The following DDX41 variants were observed in gnomAD, a reference collection of about 807,000 sequenced individuals.
DDX41 encodes the protein DEAD-box helicase 41, also known as probable ATP-dependent RNA helicase DDX41.
In DDX41, 50 loss-of-function variants were observed where a neutral mutation model predicts 78.8. That is an observed-to-expected ratio of 0.63 (90% CI 0.51 to 0.80). DDX41 has a LOEUF of 0.80. DDX41 is among the 30% of genes least tolerant of loss of function. The pLI, the probability that DDX41 is intolerant of heterozygous loss-of-function variation, is 0.00. For synonymous variants in DDX41, 381 were observed against 321.5 expected (o/e 1.19, Z -1.98); for missense variants, 633 against 849.2 (o/e 0.75, Z 3.16).
Position 177,511,819 on chromosome 5 carries a change from T to G in DDX41, c.1841A>C (p.Tyr614Ser). Residue 614 changes from tyrosine (Y) to serine (S), a missense_variant, in exon 17 of 17, where the codon TAC becomes TCC. Physicochemically the swap from Tyr to Ser is moderately radical, Grantham distance 144 (BLOSUM62 -2). Transcript: ENST00000330503. Reference sequence around the variant, plus strand: ...GAAGTCCATGGAGCTGTGGGCCAGGTAGTCCTTGCGACCGATGTTGCTGAC... The same window carrying G: ...GAAGTCCATGGAGCTGTGGGCCAGGGAGTCCTTGCGACCGATGTTGCTGAC... ...KQVSNIGRKD[Y>S]LAHSSMDF 1 of 1,614,056 alleles carries G rather than the reference T, an allele frequency of 6.2e-7. No homozygotes were observed. The highest frequency in any genetic ancestry group is 8.5e-7 in the Non-Finnish European group (1 of 1,179,990).
chr5:177,514,185 A>C lies in DDX41; in HGVS notation c.936-338T>G. 2 of 513,542 alleles carry C rather than the reference A, an allele frequency of 3.9e-6. No individual in the cohort carries two copies. The highest frequency in any genetic ancestry group is 7.6e-6 in the Non-Finnish European group (2 of 264,870). The allele number at this position is 513,542 out of a possible 1,614,324, so 31.8% of individuals were successfully genotyped here. A position where few individuals can be genotyped will look rare whatever the true frequency, so the allele number is the denominator to read the frequency against. ...TTTCTGTGCTCACCATCTCCCTAAT[A>C]CTCAGAAGTCCGTGGAGGAAGGCCT... is the stretch of plus-strand genomic sequence containing the variant. On this transcript the variant is annotated intron_variant, in intron 9 of 16. Transcript: ENST00000330503. This position sits in a 1 kb window ranked among gnomAD's most constrained non-coding sequence, Gnocchi z 4.2.
rs781328203 is a variant in DDX41 at position 177,516,817 on chromosome 5, C to T, written c.46G>A (p.Val16Met). The T allele has an allele frequency of 3.7e-6, 6 of 1,612,624 alleles. No individual in the cohort carries two copies. The highest frequency in any genetic ancestry group is 1.7e-5 in the Admixed American group (1 of 59,974). The part of the protein sequence containing the change: ...PERKRARTDE[V>M]PAGGSRSEAE... ...TCGGAGCGGCTTCCTCCGGCAGGCA[C>T]CTCGTCGGTGCGAGCCCGCTGCAAG... Residue 16 changes from valine (V) to methionine (M), a missense_variant, in exon 2 of 17, where the codon GTG becomes ATG. Physicochemically the swap from Val to Met is conservative, Grantham distance 21. Around this residue, in one of 6 missense-constraint regions of DDX41, gnomAD observed 140 missense variants for 115.2 expected, o/e 1.22. Transcript: ENST00000330503.
At position 177,514,107 on chromosome 5, in the gene DDX41, A is replaced by G. The variant is rs1387497728; in HGVS notation, c.936-260T>C. 7.7e-6 allele frequency: 5 copies of G among 645,402 alleles called. No individual in the cohort carries two copies. The highest frequency in any genetic ancestry group is 1.4e-5 in the Non-Finnish European group (5 of 349,048). 40.0% of individuals were successfully genotyped at this position (645,402 alleles called of 1,614,324 possible). On this transcript the variant is annotated intron_variant, in intron 9 of 16. Transcript: ENST00000330503. The surrounding 1 kb of genome is among the most constrained non-coding windows in gnomAD (Gnocchi z 4.2). ...CCTCTCACCCAGAAGCGCTGTCATC[A>G]AGCTCCAGAGGCTTTACTCTGGGCT...
Position 177,513,285 on chromosome 5 carries a change from GCTTCAGGGAGA to G in DDX41, c.1230+57_1230+67del. On this transcript the variant is annotated intron_variant, in intron 11 of 16. Transcript: ENST00000330503. This position sits in a 1 kb window ranked among gnomAD's most constrained non-coding sequence, Gnocchi z 4.6. The stretch of plus-strand genomic sequence containing the variant: ...CAAGGTGGACCCCCGGCTCCAATCA[GCTTCAGGGAGA>G]CTTGTCAGATCCAGCCCCCACAGGT... 1 of 1,606,950 alleles carries G rather than the reference GCTTCAGGGAGA, an allele frequency of 6.2e-7. No individual in the cohort carries two copies.
chr5:177,511,773 G>C lies in DDX41; in HGVS notation c.*18C>G, dbSNP rs201294859. 3.7e-6 allele frequency: 6 copies of C among 1,613,628 alleles called. No homozygotes were observed. Among genetic ancestry groups the C allele is most frequent in the Middle Eastern group, 1.6e-4 (1 of 6,080 alleles). On this transcript the variant is annotated 3_prime_UTR_variant, in exon 17 of 17. Transcript: ENST00000330503. Reference sequence around the variant, plus strand: ...CTTGGGGACTGAGGCCTCTTGGAGAGAAGGGAAGACTGTCGGCTCAGAAGT... The same window carrying C: ...CTTGGGGACTGAGGCCTCTTGGAGACAAGGGAAGACTGTCGGCTCAGAAGT...
At chr5:177,516,612 G>A in intron 2 of DDX41, 113 bp downstream of exon 2, 3 of 1,373,134 alleles carry the variant, frequency 2.2e-6, no homozygotes. Flanking sequence ...GCGCCCTGGT[G>A]TACTGAAGCT....
In DDX41 at chr5:177,516,115, A is replaced by G. The variant is rs1410875577; in HGVS notation, c.373+4T>C. 1.2e-5 allele frequency: 19 copies of G among 1,613,868 alleles called. No individual in the cohort carries two copies. Among genetic ancestry groups the G allele is most frequent in the Middle Eastern group, 1.6e-4 (1 of 6,084 alleles). On this transcript the variant is annotated splice_donor_region_variant and intron_variant, in intron 4 of 16. Transcript: ENST00000330503. ...CCTTCTCACTATCCTGGCTACAACC[A>G]TACCTCGGCCCTCGGCAACACTCTC...
rs1053412621 is a variant in DDX41, at chr5:177,514,127, T to G, written c.936-280A>C. 4 of 614,834 alleles carry G rather than the reference T, an allele frequency of 6.5e-6. No individual in the cohort carries two copies. The African/African-American group carries it at 7.2e-5, about 11-fold the overall frequency. The allele number at this position is 614,834 out of a possible 1,614,324, so 38.1% of individuals were successfully genotyped here. Reference sequence around the variant, plus strand: ...TCATCAAGCTCCAGAGGCTTTACTCTGGGCTCGCTTTCCTGGCCCACTGGC... The same window carrying G: ...TCATCAAGCTCCAGAGGCTTTACTCGGGGCTCGCTTTCCTGGCCCACTGGC... On this transcript the variant is annotated intron_variant, in intron 9 of 16. Coordinates refer to ENST00000330503, the MANE Select transcript of DDX41 (RefSeq NM_016222.4). The surrounding 1 kb of genome is among the most constrained non-coding windows in gnomAD (Gnocchi z 4.2).
Position 177,512,115 on chromosome 5 carries a change from C to T in DDX41, c.1713G>A (p.Glu571=). 1.9e-6 allele frequency: 3 copies of T among 1,613,370 alleles called. No individual in the cohort carries two copies. The highest frequency in any genetic ancestry group is 2.5e-6 in the Non-Finnish European group (3 of 1,180,032). Residue 571 remains glutamate (E), a synonymous_variant, in exon 16 of 17, where the codon GAG becomes GAA. Transcript: ENST00000330503. The part of the protein sequence containing the change: ...PVLQVLHCGD[E]SMLDIGGERG... ...AGTCACCTCCAATGTCCAGCATGGACTCATCCCCGCAATGCAGCACCTGCA... is the reference window on the plus strand; with the variant it reads ...AGTCACCTCCAATGTCCAGCATGGATTCATCCCCGCAATGCAGCACCTGCA...
At position 177,513,144 on chromosome 5, in the gene DDX41, C is replaced by T. The variant is rs1761057700; in HGVS notation, c.1231-62G>A. The T allele has an allele frequency of 6.4e-7, 1 of 1,569,528 alleles. No homozygotes were observed. The highest frequency in any genetic ancestry group is 1.3e-5 in the African/African-American group (1 of 74,174). On this transcript the variant is annotated intron_variant, in intron 11 of 16. Transcript: ENST00000330503. The surrounding 1 kb of genome is among the most constrained non-coding windows in gnomAD (Gnocchi z 4.6). ...TTAGGCTTACCCGCCACAGCCCTGC[C>T]ATGGCCCGTCATCTGGACCAGGAGG...
At position 177,515,034 on chromosome 5, in the gene DDX41, G is replaced by A; in HGVS notation, c.680C>T (p.Thr227Met). ...SGRDMIGIAFTGSGKTLVFTL... is the reference protein window; with the variant it reads ...SGRDMIGIAFMGSGKTLVFTL... ...GAACACCAGTGTCTTGCCTGAACCCGTGAAAGCGATGCCTATCATGTCACG... is the reference window on the plus strand; with the variant it reads ...GAACACCAGTGTCTTGCCTGAACCCATGAAAGCGATGCCTATCATGTCACG... The change falls in exon 8 of 17, where the codon ACG becomes ATG. Residue 227 changes from threonine (T) to methionine (M), a missense_variant. Thr to Met is a moderately conservative substitution (Grantham distance 81). Coordinates refer to ENST00000330503, the MANE Select transcript of DDX41 (RefSeq NM_016222.4). The A allele has an allele frequency of 6.2e-7, 1 of 1,613,444 alleles. No individual in the cohort carries two copies. Among genetic ancestry groups the A allele is most frequent in the Non-Finnish European group, 8.5e-7 (1 of 1,179,510 alleles).
chr5:177,514,509 C>T lies in DDX41; in HGVS notation c.935+192G>A, dbSNP rs1379475427. On this transcript the variant is annotated intron_variant, in intron 9 of 16. Coordinates refer to ENST00000330503, the MANE Select transcript of DDX41 (RefSeq NM_016222.4). This position sits in a 1 kb window ranked among gnomAD's most constrained non-coding sequence, Gnocchi z 4.2. ...AAGGTGGGCCATTCCATCTGCCGTG[C>T]TCCCACAGTACCTGGCCACATCCCT... Among the ~76,000 whole-genome samples the T allele has an allele frequency of 1.3e-5, 2 of 152,240 alleles. No individual in the cohort carries two copies. The highest frequency in any genetic ancestry group is 1.5e-5 in the Non-Finnish European group (1 of 68,046).
At chr5:177,516,074 G>A (rs779036766) in intron 4 of DDX41, 45 bp downstream of exon 4, 6 of 1,613,764 alleles carry the variant, frequency 3.7e-6, no homozygotes, top group African/African-American at 1.3e-5. Flanking sequence ...GGGCTGGGAG[G>A]AGAAGACTCA....
In DDX41 at chr5:177,512,670, T is replaced by G. The variant is rs754348281; in HGVS notation, c.1400-25A>C. ...TCTGGGGAGGGTCAGGCAGACACTGTCAGAGCCACCATGGGACAGGGGAGT... is the reference window on the plus strand; with the variant it reads ...TCTGGGGAGGGTCAGGCAGACACTGGCAGAGCCACCATGGGACAGGGGAGT... On this transcript the variant is annotated intron_variant, in intron 13 of 16. Coordinates refer to ENST00000330503, the MANE Select transcript of DDX41 (RefSeq NM_016222.4). 162 of 1,613,702 alleles carry G rather than the reference T, an allele frequency of 1.0e-4. 1 individual carries two copies. In the South Asian group the frequency reaches 1.8e-3, roughly 18 times the overall value.
chr5:177,515,370 C>CAGAG lies in DDX41; in HGVS notation c.572-116_572-113dup, dbSNP rs372373486. On this transcript the variant is annotated intron_variant, in intron 6 of 16. Transcript: ENST00000330503. ...AGTTGCAGATGATGAAACTGAGGCT[C>CAGAG]AGAGAGAGAGAGAGAGAGTGGAAAA... is the stretch of plus-strand genomic sequence containing the variant. The CAGAG allele has an allele frequency of 6.7e-5, 65 of 972,692 alleles. 1 individual carries two copies. In the Admixed American group the frequency reaches 1.0e-3, roughly 16 times the overall value. 60.3% of individuals were successfully genotyped at this position (972,692 alleles called of 1,614,324 possible).
In DDX41 at chr5:177,516,353, G is replaced by GTT. The variant is rs1554111683; in HGVS notation, c.232_233insAA (p.Pro78GlnfsTer3). 6.2e-7 allele frequency: 1 copy of GTT among 1,614,078 alleles called. No homozygotes were observed. Among genetic ancestry groups the GTT allele is most frequent in the Non-Finnish European group, 8.5e-7 (1 of 1,180,030 alleles). On this transcript the variant is annotated frameshift_variant, in exon 3 of 17. Transcript: ENST00000330503. LOFTEE classifies it high-confidence loss of function. The stretch of plus-strand genomic sequence containing the variant: ...GCTGACGTTGGACTGAGGGCCTAGC[G>GTT]GGATGTCGTCCTCATCTCCCCGGGG...
chr5:177,516,812 A>C lies in DDX41; in HGVS notation c.51T>G (p.Pro17=), dbSNP rs563411513. 1.7e-5 allele frequency: 27 copies of C among 1,612,522 alleles called. No homozygotes were observed. The African/African-American group carries it at 3.3e-4, about 20-fold the overall frequency. ...ERKRARTDEV[P]AGGSRSEAED... is the part of the protein sequence containing the mutation. ...CCGCCTCGGAGCGGCTTCCTCCGGCAGGCACCTCGTCGGTGCGAGCCCGCT... is the reference window on the plus strand; with the variant it reads ...CCGCCTCGGAGCGGCTTCCTCCGGCCGGCACCTCGTCGGTGCGAGCCCGCT... The change falls in exon 2 of 17, where the codon CCT becomes CCG. Residue 17 remains proline (P), a synonymous_variant. Coordinates refer to ENST00000330503, the MANE Select transcript of DDX41 (RefSeq NM_016222.4).
At chr5:177,512,748 AG>A (rs776774145) in intron 13 of DDX41, 31 bp downstream of exon 13, 2 of 1,613,182 alleles carry the variant, frequency 1.2e-6, no homozygotes, top group Non-Finnish European at 1.7e-6. Context: ...CTACTGCAGC[AG>A]GGTCCAAGCC....
chr5:177,512,404 A>G lies in DDX41; in HGVS notation c.1550-11T>C. On this transcript the variant is annotated splice_polypyrimidine_tract_variant and intron_variant, in intron 14 of 16. Transcript: ENST00000330503. ...GGCCAATCCGGTGTACTGCAGAGAG[A>G]AGGACAGAGTCTCTGGCCCATCGCT... 1 of 1,613,956 alleles carries G rather than the reference A, an allele frequency of 6.2e-7. No individual in the cohort carries two copies. Among genetic ancestry groups the G allele is most frequent in the East Asian group, 2.2e-5 (1 of 44,878 alleles).
Sources: gnomAD v4.1 joint callset for allele counts (sites outside exome capture counted in the v4.1 genomes callset) on GRCh38, gnomAD v4.1.1 for gene constraint, gnomAD v4.1.1 regional missense constraint, Gnocchi (gnomAD v3.1) non-coding constraint, MANE v1.5 for transcripts, NCBI Gene and HGNC (gene_info 2026-07-23, HGNC 2026-07-21) for gene names.